RNF175: variants seen among roughly 807,000 people sequenced by gnomAD.
The protein encoded by RNF175 is ring finger protein 175.
In RNF175, 38 loss-of-function variants were observed where a neutral mutation model predicts 50.0. The ratio of observed to expected loss-of-function variants is 0.76; its 90% CI spans 0.59 to 1.00. The LOEUF (loss-of-function observed/expected upper bound fraction) is 1.00. Among genes scored for constraint, RNF175 ranks in the 50% least tolerant of loss-of-function variants. RNF175 has a pLI of 0.00. For synonymous variants in RNF175, 155 were observed against 146.1 expected (o/e 1.06, Z -0.44); for missense variants, 388 against 409.6 (o/e 0.95, Z 0.46).
At position 153,712,492 on chromosome 4, in the gene RNF175, C is replaced by T; in HGVS notation, c.849G>A (p.Lys283=). 1 of 1,603,088 alleles carries T rather than the reference C, an allele frequency of 6.2e-7. No homozygotes were observed. The highest frequency in any genetic ancestry group is 8.5e-7 in the Non-Finnish European group (1 of 1,170,558). The part of the protein sequence containing the change: ...CPYCKEKVDL[K]RMISNPWERT... ...AAGGATATGGATTACTGATCATCCTCTTCAAATCAACTTTCTCTTTGCAGT... is the reference window on the plus strand; with the variant it reads ...AAGGATATGGATTACTGATCATCCTTTTCAAATCAACTTTCTCTTTGCAGT... The change falls in exon 8 of 9, where the codon AAG becomes AAA. Residue 283 remains lysine, a synonymous_variant. Coordinates refer to ENST00000347063, the MANE Select transcript of RNF175 (RefSeq NM_173662.4).
At chr4:153,722,256 C>T (rs1307212025) in intron 5 of RNF175, among the ~76,000 whole-genome samples, 1 of 152,210 alleles carries the variant, frequency 6.6e-6, no homozygotes, top group African/African-American at 2.4e-5. Context: ...CACAGCATGT[C>T]TCAGCAACCA....
At chr4:153,756,443 G>A (rs1740568778) in intron 1 of RNF175, among the ~76,000 whole-genome samples, 1 of 151,936 alleles carries the variant, frequency 6.6e-6, no homozygotes, top group Non-Finnish European at 1.5e-5. Context: ...ATAGCATCCT[G>A]TCCTATCTAT....
At chr4:153,736,916 G>A (rs1249501067) in intron 3 of RNF175, among the ~76,000 whole-genome samples, 2 of 152,156 alleles carry the variant, frequency 1.3e-5, no homozygotes, top group African/African-American at 4.8e-5. Context: ...CTGGAATGCA[G>A]TGGCACAACC....
chr4:153,730,191 T>C (rs1738950347), intron 3 of RNF175, among the ~76,000 whole-genome samples: 1 of 152,174 alleles, frequency 6.6e-6, no homozygotes, highest in Non-Finnish European at 1.5e-5. Context: ...ATGCCTGTAA[T>C]CCCAGCAGTT....
chr4:153,720,331 T>C (rs1429408746), intron 5 of RNF175, 27 bp from the exon 6 acceptor site: 1 of 1,606,360 alleles, frequency 6.2e-7, no homozygotes, highest in East Asian at 2.2e-5. Flanking sequence ...TATAAGGAAA[T>C]AAGAATGTGG....
intron 1 of RNF175, among the ~76,000 whole-genome samples, chr4:153,754,169 CA>C (rs200643804): frequency 2.1e-4 from 17 of 80,014 alleles, no homozygotes; most frequent in African/African-American, 1.1e-3. Flanking sequence ...GACTCCGTCT[CA>C]AAAAAAAAAA....
intron 5 of RNF175, among the ~76,000 whole-genome samples, chr4:153,721,620 A>G (rs2127105825): frequency 6.6e-6 from 1 of 152,312 alleles, no homozygotes; most frequent in East Asian, 1.9e-4. Context: ...GCTCCCTAGG[A>G]AAAAAGCTTA....
In RNF175 at chr4:153,748,841, C is replaced by A. The variant is rs746009854; in HGVS notation, c.105-55G>T. The A allele has an allele frequency of 4.0e-4, 558 of 1,409,372 alleles. No individual in the cohort carries two copies. Among genetic ancestry groups the A allele is most frequent in the South Asian group, 8.1e-4 (56 of 69,470 alleles). The allele number at this position is 1,409,372 out of a possible 1,614,324, so 87.3% of individuals were successfully genotyped here. On this transcript the variant is annotated intron_variant, in intron 2 of 8. Transcript: ENST00000347063. Reference sequence around the variant, plus strand: ...AAAGCCCTCAACCTTGCGCATTTAGCAAAAAAAACAAAAAACAAAAAACAA... The same window carrying A: ...AAAGCCCTCAACCTTGCGCATTTAGAAAAAAAAACAAAAAACAAAAAACAA...
intron 4 of RNF175, among the ~76,000 whole-genome samples, chr4:153,724,885 G>T (rs1486375631): frequency 6.6e-6 from 1 of 151,586 alleles, no homozygotes; most frequent in Admixed American, 6.6e-5. Context: ...CCTGCCCCAG[G>T]GGGGAGTAGG....
intron 2 of RNF175, among the ~76,000 whole-genome samples, chr4:153,749,109 G>C (rs1740154486): frequency 1.3e-5 from 2 of 152,154 alleles, no homozygotes; most frequent in Non-Finnish European, 2.9e-5. Context: ...AAAAAGTAAT[G>C]AGCCCCAGGA....
At chr4:153,719,713 C>T (rs1431399974) in intron 6 of RNF175, among the ~76,000 whole-genome samples, 1 of 152,148 alleles carries the variant, frequency 6.6e-6, no homozygotes, top group Admixed American at 6.5e-5. Context: ...TCTTCAGATG[C>T]TATATAATGT....
At chr4:153,758,191 T>A (rs1377303858) in intron 1 of RNF175, among the ~76,000 whole-genome samples, 2 of 152,226 alleles carry the variant, frequency 1.3e-5, no homozygotes, top group Non-Finnish European at 2.9e-5. Flanking sequence ...TATCTCTGTT[T>A]TCACTTTCTT....
At position 153,710,480 on chromosome 4, in the gene RNF175, G is replaced by A; in HGVS notation, c.876C>T (p.Arg292=). ...LKRMISNPWE[R]THFLYGQILD... is the part of the protein sequence containing the mutation. ...GGATTTGTCCATACAGAAAATGTGTGCGCTCCCAGCTAAATCTCAGTTAAG... is the reference window on the plus strand; with the variant it reads ...GGATTTGTCCATACAGAAAATGTGTACGCTCCCAGCTAAATCTCAGTTAAG... The change falls in exon 9 of 9, where the codon CGC becomes CGT. Residue 292 remains arginine, a synonymous_variant. Coordinates refer to ENST00000347063, the MANE Select transcript of RNF175 (RefSeq NM_173662.4). The A allele has an allele frequency of 3.7e-6, 6 of 1,608,976 alleles. No individual in the cohort carries two copies. Among genetic ancestry groups the A allele is most frequent in the Non-Finnish European group, 5.1e-6 (6 of 1,177,646 alleles).
At chr4:153,724,474 T>A (rs1036167556) in intron 4 of RNF175, among the ~76,000 whole-genome samples, 1 of 152,194 alleles carries the variant, frequency 6.6e-6, no homozygotes, top group Non-Finnish European at 1.5e-5. Context: ...CACATCCCTT[T>A]CCCTGCACAT....
At chr4:153,710,512 G>T in intron 8 of RNF175, 23 bp from the exon 9 acceptor site, 1 of 1,606,110 alleles carries the variant, frequency 6.2e-7, no homozygotes, top group Non-Finnish European at 8.5e-7. Context: ...TAAGGAGGTT[G>T]TTCTATATAC....
intron 1 of RNF175, among the ~76,000 whole-genome samples, chr4:153,751,951 C>A (rs146506180): frequency 6.6e-6 from 1 of 152,200 alleles, no homozygotes; most frequent in Non-Finnish European, 1.5e-5. Flanking sequence ...TGAGCAGAGG[C>A]TCCGTTGATT....
intron 1 of RNF175, among the ~76,000 whole-genome samples, chr4:153,753,748 G>A (rs892086539): frequency 1.4e-4 from 21 of 151,660 alleles, no homozygotes; most frequent in African/African-American, 4.1e-4. Flanking sequence ...TAGTAGAGAC[G>A]GGGTTTCGCC....
intron 8 of RNF175, 53 bp downstream of exon 8, chr4:153,712,422 T>A: frequency 8.9e-7 from 1 of 1,121,582 alleles, no homozygotes; most frequent in East Asian, 2.5e-5. Flanking sequence ...GAAGAATATA[T>A]CCCCAGAAAC....
intron 4 of RNF175, among the ~76,000 whole-genome samples, chr4:153,725,079 AGCGG>A (rs1429303342): frequency 7.8e-5 from 3 of 38,674 alleles, no homozygotes; most frequent in African/African-American, 2.1e-4. Flanking sequence ...TGCGTGGGGG[AGCGG>A]GCAGGGGTGA....
Sources: gnomAD v4.1 joint callset for allele counts (sites outside exome capture counted in the v4.1 genomes callset) on GRCh38, gnomAD v4.1.1 for gene constraint, MANE v1.5 for transcripts, NCBI Gene and HGNC (gene_info 2026-07-23, HGNC 2026-07-21) for gene names.